Variants in IRF8 observed in about 807,000 individuals in gnomAD.
IRF8 encodes the protein interferon regulatory factor 8.
Under a neutral mutation model 48.7 loss-of-function variants are expected in IRF8, and 14 were observed. The observed-to-expected ratio is 0.29, with a 90% confidence interval of 0.19 to 0.45. The LOEUF is 0.45. Ranked by LOEUF, IRF8 falls within the 20% of genes least tolerant of loss-of-function variation. The pLI is 1.00. For missense variants in IRF8, 493 were observed against 580.7 expected, an observed-to-expected ratio of 0.85 and a Z score of 1.55; for synonymous variants, 278 against 227.3, an observed-to-expected ratio of 1.22 and a Z score of -2.01.
intron 5 of IRF8, among the ~76,000 whole-genome samples, chr16:85,913,464 C>T (rs1411956223): frequency 2.0e-5 from 3 of 152,210 alleles, no homozygotes. Flanking sequence ...AGGGCACAAG[C>T]TGCTTGTTCC....
At chr16:85,919,491 A>G (rs1905459534) in intron 7 of IRF8, among the ~76,000 whole-genome samples, 1 of 152,126 alleles carries the variant, frequency 6.6e-6, no homozygotes, top group African/African-American at 2.4e-5. Flanking sequence ...GTGCAGGGGT[A>G]TGTGTGAGCT....
At chr16:85,911,772 T>C (rs968394807) in intron 4 of IRF8, 114 bp downstream of exon 4, 4 of 836,488 alleles carry the variant, frequency 4.8e-6, no homozygotes, top group East Asian at 2.7e-5. Context: ...TCGGGCTCGC[T>C]GAGGAAGTGG....
Position 85,921,622 on chromosome 16 carries a change from G to T in IRF8, c.*340G>T. The T allele has an allele frequency of 6.0e-6, 2 of 335,888 alleles. No individual in the cohort carries two copies. Among genetic ancestry groups the T allele is most frequent in the Non-Finnish European group, 1.1e-5 (2 of 177,386 alleles). The allele number at this position is 335,888 out of a possible 1,614,324, so 20.8% of individuals were successfully genotyped here. A position where few individuals can be genotyped will look rare whatever the true frequency, so the allele number is the denominator to read the frequency against. The stretch of plus-strand genomic sequence containing the variant: ...AAAGACTTGTCATTCAGTAATATTA[G>T]CAGATAGCTGCTTCGATAAAGGAAT... On this transcript the variant is annotated 3_prime_UTR_variant, in exon 9 of 9. Transcript: ENST00000268638.
chr16:85,899,665 A>G (rs1904763724), intron 1 of IRF8, among the ~76,000 whole-genome samples: 2 of 152,278 alleles, frequency 1.3e-5, no homozygotes, highest in Admixed American at 6.5e-5. Context: ...TTTGTGAAGG[A>G]GGGGACAGAC....
intron 2 of IRF8, among the ~76,000 whole-genome samples, chr16:85,903,845 C>A (rs1904905622): frequency 6.6e-6 from 1 of 152,200 alleles, no homozygotes; most frequent in East Asian, 1.9e-4. Flanking sequence ...TATAGAGGCA[C>A]TGAGAGGAGA....
At chr16:85,909,873 A>C (rs1030445343) in intron 3 of IRF8, 2 of 152,496 alleles carry the variant, frequency 1.3e-5, no homozygotes, top group African/African-American at 4.8e-5. Context: ...GATAAAACCT[A>C]ATTACCAGCG....
intron 2 of IRF8, among the ~76,000 whole-genome samples, chr16:85,904,097 A>G (rs988258056): frequency 6.6e-6 from 1 of 152,248 alleles, no homozygotes; most frequent in African/African-American, 2.4e-5. Flanking sequence ...AAGGCTCCAG[A>G]TGTCCAGGTT....
chr16:85,909,989 G>A (rs1417928366), intron 3 of IRF8: 1 of 152,200 alleles, frequency 6.6e-6, no homozygotes, highest in Non-Finnish European at 1.5e-5. Context: ...AGTAGTCCAC[G>A]AATGCCTGTA....
At chr16:85,916,625 C>T (rs1052146513) in intron 6 of IRF8, among the ~76,000 whole-genome samples, 1 of 152,206 alleles carries the variant, frequency 6.6e-6, no homozygotes, top group Non-Finnish European at 1.5e-5. Context: ...GTGAAGCTGC[C>T]AGTTCACATG....
In IRF8 at chr16:85,922,507, C is replaced by G. The variant is rs1905618441; in HGVS notation, c.*1225C>G. On this transcript the variant is annotated 3_prime_UTR_variant, in exon 9 of 9. Coordinates refer to ENST00000268638, the MANE Select transcript of IRF8 (RefSeq NM_002163.4). ...TCCAATTCAAATGAATGTCAAAGCACATATCTTTAATATGCTGAATGAATA... is the reference window on the plus strand; with the variant it reads ...TCCAATTCAAATGAATGTCAAAGCAGATATCTTTAATATGCTGAATGAATA... 6.6e-6 allele frequency: 1 copy of G among 152,342 alleles called. No individual in the cohort carries two copies. The highest frequency in any genetic ancestry group is 1.5e-5 in the Non-Finnish European group (1 of 68,042). The allele number at this position is 152,342 out of a possible 1,614,324, so 9.4% of individuals were successfully genotyped here.
intron 5 of IRF8, chr16:85,914,123 C>G (rs533192162): frequency 4.0e-5 from 14 of 351,130 alleles, no homozygotes; most frequent in African/African-American, 3.0e-4. Flanking sequence ...GGCTCTCCCC[C>G]AGAGATAAGC....
intron 6 of IRF8, 174 bp from the exon 7 acceptor site, chr16:85,918,243 A>G (rs2143043055): frequency 4.5e-6 from 3 of 667,252 alleles, no homozygotes; most frequent in East Asian, 5.3e-5. Context: ...GTATTTATTC[A>G]TGCATATAAA....
Position 85,904,812 on chromosome 16 carries a change from C to CTTTTTTT in IRF8, c.174+1637_174+1643dup, listed in dbSNP as rs1177860791. Reference sequence around the variant, plus strand: ...ATTTCTCTCTTGTTTGATTGCAGATCTTTTTTTTTTTTTTTTTTTTGCCTT... The same window carrying CTTTTTTT: ...ATTTCTCTCTTGTTTGATTGCAGATCTTTTTTTTTTTTTTTTTTTTTTTTTTTGCCTT... On this transcript the variant is annotated intron_variant, in intron 2 of 8. Coordinates refer to ENST00000268638, the MANE Select transcript of IRF8 (RefSeq NM_002163.4). Among the ~76,000 whole-genome samples the CTTTTTTT allele has an allele frequency of 4.1e-3, 359 of 87,596 alleles. 33 individuals are homozygous for CTTTTTTT. Among genetic ancestry groups the CTTTTTTT allele is most frequent in the African/African-American group, 0.011 (216 of 20,274 alleles). The allele number at this position is 87,596 out of a possible 152,430, so 57.5% of individuals were successfully genotyped here.
At chr16:85,913,958 CT>C (rs772551923) in intron 5 of IRF8, 80 of 188,428 alleles carry the variant, frequency 4.2e-4, no homozygotes, top group Non-Finnish European at 7.0e-4. Flanking sequence ...CGTCTTCCCC[CT>C]AGCCCTACAT....
chr16:85,910,646 A>G (rs191478859), intron 3 of IRF8, among the ~76,000 whole-genome samples: 60 of 152,274 alleles, frequency 3.9e-4, no homozygotes, highest in Non-Finnish European at 7.4e-4. Context: ...GTGATGTTAA[A>G]GAAGCAGCAG....
At position 85,922,527 on chromosome 16, in the gene IRF8, T is replaced by C. The variant is rs1489472082; in HGVS notation, c.*1245T>C. Reference sequence around the variant, plus strand: ...AAGCACATATCTTTAATATGCTGAATGAATATTTATTTTTGTATCCATTAA... The same window carrying C: ...AAGCACATATCTTTAATATGCTGAACGAATATTTATTTTTGTATCCATTAA... On this transcript the variant is annotated 3_prime_UTR_variant, in exon 9 of 9. Transcript: ENST00000268638. 1 of 152,410 alleles carries C rather than the reference T, an allele frequency of 6.6e-6. No homozygotes were observed. The highest frequency in any genetic ancestry group is 1.5e-5 in the Non-Finnish European group (1 of 68,054). The allele number at this position is 152,410 out of a possible 1,614,324, so 9.4% of individuals were successfully genotyped here.
intron 1 of IRF8, among the ~76,000 whole-genome samples, chr16:85,902,173 C>T (rs377366765): frequency 3.9e-5 from 6 of 152,140 alleles, no homozygotes; most frequent in Middle Eastern, 3.4e-3. Flanking sequence ...TTGCCCTGTT[C>T]GGTAGCTGCA....
At chr16:85,901,776 G>A (rs1904833374) in intron 1 of IRF8, among the ~76,000 whole-genome samples, 1 of 152,156 alleles carries the variant, frequency 6.6e-6, no homozygotes, top group Non-Finnish European at 1.5e-5. Context: ...TTTCCAGAAT[G>A]CGTACTTCTT....
chr16:85,919,994 G>A lies in IRF8; in HGVS notation c.989-115G>A, dbSNP rs536042307. On this transcript the variant is annotated intron_variant, in intron 7 of 8. Coordinates refer to ENST00000268638, the MANE Select transcript of IRF8 (RefSeq NM_002163.4). ...GGCCACCAGTTTGAGATCCCATGGT[G>A]CCCTGGCCTAAATGCTACAAGCCCT... is the stretch of plus-strand genomic sequence containing the variant. 1.5e-3 allele frequency: 1,186 copies of A among 787,706 alleles called. 5 individuals are homozygous for A. The Middle Eastern group carries it at 0.017, about 11-fold the overall frequency. 48.8% of individuals were successfully genotyped at this position (787,706 alleles called of 1,614,324 possible).
Sources: allele counts gnomAD v4.1 joint callset (sites outside exome capture counted in the v4.1 genomes callset), GRCh38; gene constraint gnomAD v4.1.1; transcripts MANE v1.5; gene names NCBI Gene and HGNC (gene_info 2026-07-23, HGNC 2026-07-21).